SEMA3D: variants seen among roughly 807,000 people sequenced by gnomAD.
SEMA3D encodes semaphorin-3D.
In SEMA3D, 84 loss-of-function variants were observed where a neutral mutation model predicts 100.1. The observed-to-expected ratio is 0.84, with a 90% CI of 0.70 to 1.01. The LOEUF is 1.01. Ranked by LOEUF, SEMA3D falls within the 50% of genes least tolerant of loss-of-function variation. The pLI, the probability that SEMA3D is intolerant of heterozygous loss-of-function variation, is 0.00. For missense variants in SEMA3D, 875 were observed against 934.1 expected (o/e 0.94, Z 0.82); for synonymous variants, 312 against 320.7 (o/e 0.97, Z 0.29).
At chr7:85,085,930 G>A (rs777249762) in intron 4 of SEMA3D, among the ~76,000 whole-genome samples, 1 of 152,072 alleles carries the variant, frequency 6.6e-6, no homozygotes, top group Non-Finnish European at 1.5e-5. Context: ...ATTGTAATTT[G>A]AGTTGCACCA....
At position 84,999,828 on chromosome 7, in the gene SEMA3D, C is replaced by T; in HGVS notation, c.1946G>A (p.Gly649Glu). The T allele has an allele frequency of 6.2e-7, 1 of 1,613,768 alleles. No homozygotes were observed. The highest frequency in any genetic ancestry group is 8.5e-7 in the Non-Finnish European group (1 of 1,179,884). Residue 649 changes from glycine (G) to glutamate (E), a missense_variant, in exon 19 of 19, where the codon GGG (glycine) becomes GAG (glutamate). Gly to Glu is a moderately conservative substitution (Grantham distance 98). Coordinates refer to ENST00000284136, the MANE Select transcript of SEMA3D (RefSeq NM_001384900.1). The stretch of plus-strand genomic sequence containing the variant: ...CTTCTGCAAACTTCGAATCAGTAGC[C>T]CATATTCCGTTTTGATGATTCTTTC... Reference protein sequence around the residue: ...PDERIIKTEYGLLIRSLQKKD... With the variant: ...PDERIIKTEYELLIRSLQKKD...
At chr7:85,040,348 G>A (rs943429221) in intron 11 of SEMA3D, among the ~76,000 whole-genome samples, 5 of 151,986 alleles carry the variant, frequency 3.3e-5, no homozygotes, top group Non-Finnish European at 7.4e-5. Flanking sequence ...TTCCTATGGG[G>A]AAGGTATATG....
chr7:85,030,090 C>A (rs900388953), intron 12 of SEMA3D, among the ~76,000 whole-genome samples: 1 of 151,892 alleles, frequency 6.6e-6, no homozygotes, highest in Non-Finnish European at 1.5e-5. Flanking sequence ...AGGTACTCTA[C>A]CCAGGATGCT....
intron 12 of SEMA3D, among the ~76,000 whole-genome samples, chr7:85,030,947 G>GA (rs71524635): frequency 0.18 from 27,591 of 151,856 alleles, 3,292 homozygotes; most frequent in East Asian, 0.45. Context: ...AATAATGATT[G>GA]AAAAAATCCA....
chr7:85,230,024 A>C, the SEMA3D span, among the ~76,000 whole-genome samples: 1 of 152,204 alleles, frequency 6.6e-6, no homozygotes, highest in Admixed American at 6.5e-5. Flanking sequence ...AATGACATCC[A>C]ATTAGAATGA....
At chr7:85,215,475 C>T in the SEMA3D span, among the ~76,000 whole-genome samples, 1 of 152,082 alleles carries the variant, frequency 6.6e-6, no homozygotes, top group African/African-American at 2.4e-5. Flanking sequence ...CTACTTTGTT[C>T]TATGCCCTCC....
chr7:85,187,551 T>G (rs756203799), upstream of SEMA3D, among the ~76,000 whole-genome samples: 1 of 152,142 alleles, frequency 6.6e-6, no homozygotes, highest in Non-Finnish European at 1.5e-5. Context: ...CAGGGAGAGA[T>G]AAAAACGAGT....
chr7:85,096,338 A>G (rs181536242), intron 4 of SEMA3D, among the ~76,000 whole-genome samples: 2 of 152,054 alleles, frequency 1.3e-5, no homozygotes, highest in African/African-American at 4.8e-5. Context: ...ATTAGAATGG[A>G]GGACAAACTT....
chr7:85,191,082 G>A (rs923338394), upstream of SEMA3D, among the ~76,000 whole-genome samples: 1 of 152,126 alleles, frequency 6.6e-6, no homozygotes, highest in Non-Finnish European at 1.5e-5. Flanking sequence ...ACTTAGCTGG[G>A]TTGGGGTGTG....
chr7:85,002,782 G>A (rs1306639238), intron 18 of SEMA3D, among the ~76,000 whole-genome samples: 1 of 152,152 alleles, frequency 6.6e-6, no homozygotes, highest in Admixed American at 6.6e-5. Flanking sequence ...ATTATTAAAT[G>A]TAGATCTTCA....
At chr7:85,073,587 G>T (rs1791837526) in intron 5 of SEMA3D, among the ~76,000 whole-genome samples, 1 of 151,968 alleles carries the variant, frequency 6.6e-6, no homozygotes, top group Non-Finnish European at 1.5e-5. Flanking sequence ...ATAGAACACA[G>T]AATTTATCAT....
At chr7:85,109,424 C>A (rs1176380996) in intron 3 of SEMA3D, among the ~76,000 whole-genome samples, 1 of 151,834 alleles carries the variant, frequency 6.6e-6, no homozygotes, top group Non-Finnish European at 1.5e-5. Context: ...CTGAATATTC[C>A]GACAGGTTCA....
chr7:85,129,422 A>T (rs957311486), intron 2 of SEMA3D, among the ~76,000 whole-genome samples: 6 of 152,142 alleles, frequency 3.9e-5, no homozygotes, highest in Non-Finnish European at 7.4e-5. Context: ...TACTGAAAAA[A>T]ATTAGTTATG....
chr7:85,055,485 C>T (rs1468701809), intron 9 of SEMA3D, among the ~76,000 whole-genome samples: 7 of 151,352 alleles, frequency 4.6e-5, no homozygotes, highest in Non-Finnish European at 8.9e-5. Flanking sequence ...AATGTGAACT[C>T]TTTCCTTTTT....
chr7:85,146,552 TA>T (rs61168539), intron 2 of SEMA3D, among the ~76,000 whole-genome samples: 38 of 148,518 alleles, frequency 2.6e-4, no homozygotes, highest in African/African-American at 8.0e-4. Context: ...AGACTCCATC[TA>T]AAAAAAAATA....
rs1260799852 is a variant in SEMA3D at position 85,121,744 on chromosome 7, TG to T, written c.147del (p.Tyr49Ter). 3.2e-6 allele frequency: 5 copies of T among 1,544,828 alleles called. No individual in the cohort carries two copies. The highest frequency in any genetic ancestry group is 2.7e-6 in the Non-Finnish European group (3 of 1,129,530). On this transcript the variant is annotated frameshift_variant, in exon 3 of 19. Transcript: ENST00000284136. LOFTEE classifies it high-confidence loss of function. ...TAGAAAATATGTATATATTTACCTT[TG>T]TAGGTTAGCTTGAGTCTTGGAATAT... ...KQNIPRLKLT[Y>X]KDLLLSNSCI...
At chr7:85,003,155 GA>G (rs1256090489) in intron 18 of SEMA3D, among the ~76,000 whole-genome samples, 5 of 152,032 alleles carry the variant, frequency 3.3e-5, no homozygotes, top group Non-Finnish European at 7.4e-5. Context: ...TAATTTGGAA[GA>G]AAGGAAAATG....
intron 11 of SEMA3D, among the ~76,000 whole-genome samples, chr7:85,037,374 A>G (rs1279737083): frequency 6.6e-6 from 1 of 152,190 alleles, no homozygotes; most frequent in Non-Finnish European, 1.5e-5. Flanking sequence ...CCTGGAGGAT[A>G]AAGAGGAATA....
chr7:85,117,382 A>G (rs1320407706), intron 3 of SEMA3D, among the ~76,000 whole-genome samples: 1 of 152,208 alleles, frequency 6.6e-6, no homozygotes, highest in East Asian at 1.9e-4. Context: ...TATTAAGGGA[A>G]TGAGTTTTAT....
Sources: allele counts gnomAD v4.1 joint callset (sites outside exome capture counted in the v4.1 genomes callset), GRCh38; gene constraint gnomAD v4.1.1; transcripts MANE v1.5; gene names NCBI Gene and HGNC (gene_info 2026-07-23, HGNC 2026-07-21).